Variants in SORBS2 observed in about 807,000 individuals in gnomAD.
SORBS2 encodes sorbin and SH3 domain containing 2.
Under a neutral mutation model 97.7 loss-of-function variants are expected in SORBS2, and 46 were observed. The ratio of observed to expected loss-of-function variants is 0.47; its 90% CI spans 0.37 to 0.60. The LOEUF is 0.60. Among genes scored for constraint, SORBS2 ranks in the 20% least tolerant of loss-of-function variants. The probability of loss-of-function intolerance (pLI) is 0.00; values close to 1 mark genes in which losing one functional copy is unlikely to be tolerated. For missense variants in SORBS2, 1,316 were observed against 1,282.3 expected, an observed-to-expected ratio of 1.03 and a Z score of -0.40; for synonymous variants, 476 against 473.4, an observed-to-expected ratio of 1.01 and a Z score of -0.07.
intron 1 of SORBS2, among the ~76,000 whole-genome samples, chr4:185,940,127 C>T (rs1198328022): frequency 2.0e-5 from 3 of 152,162 alleles, no homozygotes; most frequent in Admixed American, 1.3e-4. Flanking sequence ...AGAACTGGTC[C>T]ATGGCCTTCC....
At chr4:185,662,329 A>C in intron 4 of SORBS2, 87 bp from the exon 8 acceptor site, 1 of 1,333,468 alleles carries the variant, frequency 7.5e-7, no homozygotes, top group Non-Finnish European at 1.0e-6. Flanking sequence ...AAGACTTCCA[A>C]TCACATGAGA....
intron 1 of SORBS2, among the ~76,000 whole-genome samples, chr4:185,800,865 A>C (rs912597654): frequency 7.2e-5 from 11 of 152,208 alleles, no homozygotes; most frequent in African/African-American, 2.7e-4. Flanking sequence ...TGATCACCAC[A>C]ATCAAGTTAG....
intron 1 of SORBS2, among the ~76,000 whole-genome samples, chr4:185,944,871 A>C (rs1282267411): frequency 6.6e-6 from 1 of 151,038 alleles, no homozygotes; most frequent in Non-Finnish European, 1.5e-5. Context: ...TAGCATCGCT[A>C]CCAACAGCCG....
intron 4 of SORBS2, among the ~76,000 whole-genome samples, chr4:185,664,079 C>T (rs2097563050): frequency 1.3e-5 from 2 of 152,058 alleles, no homozygotes; most frequent in Admixed American, 6.5e-5. Flanking sequence ...TGGTCTCGAT[C>T]TCCTGACCTC....
rs1354334766 is a variant in SORBS2 at position 185,652,743 on chromosome 4, G to A, written c.25-15C>T. 3 of 1,607,104 alleles carry A rather than the reference G, an allele frequency of 1.9e-6. No homozygotes were observed. The highest frequency in any genetic ancestry group is 1.3e-5 in the African/African-American group (1 of 74,898). On this transcript the variant is annotated splice_polypyrimidine_tract_variant and intron_variant, in intron 1 of 14. Coordinates refer to ENST00000418609, the Ensembl canonical transcript of SORBS2. ...CGGTCGACTGTCTGTAATGAAGAGA[G>A]CGTCCAATGGTTACAAACTGGCTTC...
In SORBS2 at chr4:185,769,514, G is replaced by C. The variant is rs141892324; in HGVS notation, c.-198+5713C>G. On this transcript the variant is annotated intron_variant, in intron 2 of 20. Transcript: ENST00000284776. ...AATACTACTATTTTTGTTTTTGAAA[G>C]AGTCTTGCTCTTGTTGCCCAGGCTG... Among the ~76,000 whole-genome samples the C allele has an allele frequency of 3.0e-4, 46 of 152,250 alleles. No homozygotes were observed. The East Asian group carries it at 7.9e-3, about 26-fold the overall frequency.
At position 185,684,817 on chromosome 4, in the gene SORBS2, C is replaced by A. The variant is rs540568350; in HGVS notation, c.-197-5995G>T. On this transcript the variant is annotated intron_variant, in intron 2 of 20. Transcript: ENST00000284776. The surrounding 1 kb of genome is among the most constrained non-coding windows in gnomAD (Gnocchi z 4.2). ...ACAGATGTTAGCGTAACAGACATGGCGGCACGTTTGCGAGCACACCCACCG... is the reference window on the plus strand; with the variant it reads ...ACAGATGTTAGCGTAACAGACATGGAGGCACGTTTGCGAGCACACCCACCG... 2 of 1,551,772 alleles carry A rather than the reference C, an allele frequency of 1.3e-6. No individual in the cohort carries two copies. The highest frequency in any genetic ancestry group is 1.7e-6 in the Non-Finnish European group (2 of 1,147,032).
intron 1 of SORBS2, among the ~76,000 whole-genome samples, chr4:185,941,843 C>T (rs113941016): frequency 2.0e-5 from 3 of 152,218 alleles, no homozygotes; most frequent in Admixed American, 1.3e-4. Context: ...TGGCTGGGCA[C>T]GGTGGCTCAC....
At chr4:185,941,864 T>C (rs73021892) in intron 1 of SORBS2, among the ~76,000 whole-genome samples, 24,451 of 152,106 alleles carry the variant, frequency 0.16, 2,138 homozygotes, top group Admixed American at 0.27. Flanking sequence ...ACCTGTAATC[T>C]CAGTACTTTG....
chr4:185,942,787 G>A (rs9995599), intron 1 of SORBS2, among the ~76,000 whole-genome samples: 19,561 of 152,140 alleles, frequency 0.13, 1,532 homozygotes, highest in Middle Eastern at 0.24. Flanking sequence ...TTACAATGTA[G>A]ATAGGGAAAG....
chr4:185,934,108 T>C (rs2099267757), intron 1 of SORBS2, among the ~76,000 whole-genome samples: 1 of 152,226 alleles, frequency 6.6e-6, no homozygotes, highest in African/African-American at 2.4e-5. Context: ...CCCTCTCTGG[T>C]TGGCACTTTT....
At chr4:185,588,709 G>A (rs900367235) in intron 14 of SORBS2, among the ~76,000 whole-genome samples, 5 of 149,634 alleles carry the variant, frequency 3.3e-5, no homozygotes, top group Admixed American at 1.4e-4. Flanking sequence ...CTGCCTCTTG[G>A]GTTCAAGCAA....
intron 11 of SORBS2, among the ~76,000 whole-genome samples, chr4:185,612,491 A>ATTT (rs112327583): frequency 8.7e-6 from 1 of 114,904 alleles, no homozygotes; most frequent in Non-Finnish European, 1.9e-5. Context: ...TTTTATTTCT[A>ATTT]TTTTTTTTTT....
chr4:185,611,590 A>T (rs1384538793), intron 12 of SORBS2, among the ~76,000 whole-genome samples, 190 bp downstream of exon 24: 2 of 152,198 alleles, frequency 1.3e-5, no homozygotes, highest in Admixed American at 1.3e-4. Context: ...TTAAATCTTT[A>T]TGCCAGCACC....
intron 1 of SORBS2, among the ~76,000 whole-genome samples, chr4:185,880,105 G>T (rs1442990898): frequency 6.6e-6 from 1 of 152,188 alleles, no homozygotes; most frequent in African/African-American, 2.4e-5. Context: ...ACTCCAGATG[G>T]TTCTGTCTAG....
chr4:185,697,204 A>G (rs2098188255), intron 2 of SORBS2, among the ~76,000 whole-genome samples: 1 of 152,192 alleles, frequency 6.6e-6, no homozygotes, highest in African/African-American at 2.4e-5. Context: ...CCATTCACTA[A>G]TATTTCAAAT....
intron 2 of SORBS2, among the ~76,000 whole-genome samples, chr4:185,757,809 C>A (rs994375506): frequency 2.0e-5 from 3 of 152,266 alleles, no homozygotes; most frequent in Non-Finnish European, 4.4e-5. Context: ...CCAGCTAGAT[C>A]TATACAACTG....
chr4:185,850,614 C>T (rs577772802), intron 1 of SORBS2, among the ~76,000 whole-genome samples: 1 of 152,180 alleles, frequency 6.6e-6, no homozygotes, highest in Non-Finnish European at 1.5e-5. Context: ...GGTCAACTGC[C>T]TGTGCTGAAA....
At chr4:185,616,903 C>T (rs1240261053) in intron 9 of SORBS2, among the ~76,000 whole-genome samples, 1 of 152,176 alleles carries the variant, frequency 6.6e-6, no homozygotes, top group Non-Finnish European at 1.5e-5. Context: ...CACCCACCAC[C>T]ACCCCTGGCT....
Sources: allele counts gnomAD v4.1 joint callset (sites outside exome capture counted in the v4.1 genomes callset), GRCh38; gene constraint gnomAD v4.1.1; non-coding constraint Gnocchi (gnomAD v3.1); transcripts MANE v1.5; gene names NCBI Gene and HGNC (gene_info 2026-07-23, HGNC 2026-07-21).